LPCAT1: variants seen among roughly 807,000 people sequenced by gnomAD.
LPCAT1 encodes the protein lysophosphatidylcholine acyltransferase 1.
LPCAT1 carries 23 observed loss-of-function variants against 60.9 expected under a neutral mutation model. That is an observed-to-expected ratio of 0.38 (90% confidence interval 0.27 to 0.53). The LOEUF is 0.53. Among genes scored for constraint, LPCAT1 ranks in the 20% least tolerant of loss-of-function variants. The pLI is 0.82. For missense variants in LPCAT1, 622 were observed against 723.6 expected, an observed-to-expected ratio of 0.86 and a Z score of 1.61; for synonymous variants, 340 against 301.1, an observed-to-expected ratio of 1.13 and a Z score of -1.34.
chr5:1,515,891 C>T (rs540005467), intron 1 of LPCAT1, among the ~76,000 whole-genome samples: 2 of 152,252 alleles, frequency 1.3e-5, no homozygotes, highest in Admixed American at 1.3e-4. Flanking sequence ...CCCAGGACAT[C>T]CTGCTTCCCC....
chr5:1,479,593 C>T lies in LPCAT1; in HGVS notation c.816+28G>A, dbSNP rs540684788. The T allele has an allele frequency of 8.2e-5, 127 of 1,545,172 alleles. 2 individuals carry two copies. In the East Asian group the frequency reaches 2.7e-3, roughly 32 times the overall value. Reference sequence around the variant, plus strand: ...TGTCTGCATCAACCACTGTGAAGAGCGCTGTGTAACTCTGTATCCATACGA... The same window carrying T: ...TGTCTGCATCAACCACTGTGAAGAGTGCTGTGTAACTCTGTATCCATACGA... On this transcript the variant is annotated intron_variant, in intron 8 of 13. Transcript: ENST00000283415.
At chr5:1,517,075 G>C (rs1325155130) in intron 1 of LPCAT1, among the ~76,000 whole-genome samples, 1 of 152,206 alleles carries the variant, frequency 6.6e-6, no homozygotes, top group African/African-American at 2.4e-5. Context: ...CACAAGCCTA[G>C]CATCATGCTT....
chr5:1,463,935 G>A, intron 13 of LPCAT1, 100 bp from the exon 14 acceptor site: 3 of 1,223,258 alleles, frequency 2.5e-6, no homozygotes, highest in South Asian at 1.4e-5. Context: ...TCCACCTCAC[G>A]CCCTCCAGGG....
At chr5:1,493,807 G>A (rs1259633007) in intron 3 of LPCAT1, among the ~76,000 whole-genome samples, 1 of 152,236 alleles carries the variant, frequency 6.6e-6, no homozygotes, top group Non-Finnish European at 1.5e-5. Context: ...TGCTGACCCT[G>A]GAACCTGTGA....
chr5:1,523,151 C>A lies in LPCAT1; in HGVS notation c.135+559G>T, dbSNP rs1276989189. ...AGGGGACCCTACAGGGGACCCGCACCGCCCGCGCGCCCTGTCCCGGGCACC... is the reference window on the plus strand; with the variant it reads ...AGGGGACCCTACAGGGGACCCGCACAGCCCGCGCGCCCTGTCCCGGGCACC... On this transcript the variant is annotated intron_variant, in intron 1 of 13. Transcript: ENST00000283415. This position sits in a 1 kb window ranked among gnomAD's most constrained non-coding sequence, Gnocchi z 7.1. 2.0e-5 allele frequency among the ~76,000 whole-genome samples: 3 copies of A among 152,328 alleles called. No individual in the cohort carries two copies. Among genetic ancestry groups the A allele is most frequent in the Admixed American group, 1.3e-4 (2 of 15,306 alleles).
In LPCAT1 at chr5:1,523,517, GA is replaced by G. The variant is rs1246625154; in HGVS notation, c.135+192del. ...GTGCGGGCGGCGGGAAGCCGGCGCC[GA>G]GACCGAGGCATCGGGTGCGGGCGGC... On this transcript the variant is annotated intron_variant, in intron 1 of 13. Coordinates refer to ENST00000283415, the MANE Select transcript of LPCAT1 (RefSeq NM_024830.5). This position sits in a 1 kb window ranked among gnomAD's most constrained non-coding sequence, Gnocchi z 7.1. Among the ~76,000 whole-genome samples the G allele has an allele frequency of 6.6e-6, 1 of 151,032 alleles. No homozygotes were observed. Among genetic ancestry groups the G allele is most frequent in the African/African-American group, 2.4e-5 (1 of 41,256 alleles).
intron 1 of LPCAT1, among the ~76,000 whole-genome samples, chr5:1,503,949 A>C (rs1736104674): frequency 1.3e-5 from 2 of 152,160 alleles, no homozygotes; most frequent in African/African-American, 4.8e-5. Flanking sequence ...TTCTAAACCT[A>C]CGTTGCCAGA....
Position 1,517,277 on chromosome 5 carries a change from G to A in LPCAT1, c.135+6433C>T, listed in dbSNP as rs1170240041. On this transcript the variant is annotated intron_variant, in intron 1 of 13. Transcript: ENST00000283415. ...CTTTTGTCATGGGCCGCGTGGGGAT[G>A]AGGGCCCTGGAAACAGGAAGAGGAA... 5.9e-5 allele frequency among the ~76,000 whole-genome samples: 9 copies of A among 152,260 alleles called. No individual in the cohort carries two copies. The East Asian group carries it at 1.7e-3, about 29-fold the overall frequency.
At chr5:1,508,416 C>T (rs892877571) in intron 1 of LPCAT1, among the ~76,000 whole-genome samples, 1 of 152,146 alleles carries the variant, frequency 6.6e-6, no homozygotes, top group African/African-American at 2.4e-5. Context: ...ATGAGATCAT[C>T]TGGGGGCCCT....
At chr5:1,488,540 T>A in intron 4 of LPCAT1, 89 bp from the exon 5 acceptor site, 2 of 895,758 alleles carry the variant, frequency 2.2e-6, no homozygotes, top group Non-Finnish European at 3.5e-6. Flanking sequence ...CAATATATTT[T>A]CTTTTCTGCT....
chr5:1,494,878 G>A lies in LPCAT1; in HGVS notation c.315C>T (p.Thr105=). 1 of 1,612,718 alleles carries A rather than the reference G, an allele frequency of 6.2e-7. No individual in the cohort carries two copies. The highest frequency in any genetic ancestry group is 2.2e-5 in the East Asian group (1 of 44,868). ...VDFLLKAIMR[T]MWFAGGFHRV... ...GGTGGAAGCCGCCGGCGAACCACAT[G>A]GTGCGCATGATGGCCTTCAGCAGGA... The change falls in exon 3 of 14, where the codon ACC becomes ACT. Residue 105 remains threonine, a synonymous_variant. Transcript: ENST00000283415.
chr5:1,492,608 G>C (rs978169585), intron 3 of LPCAT1, among the ~76,000 whole-genome samples: 2 of 152,226 alleles, frequency 1.3e-5, no homozygotes, highest in Admixed American at 1.3e-4. Context: ...AACACGCAGG[G>C]CTCCACGAGG....
In LPCAT1 at chr5:1,489,773, C is replaced by T; in HGVS notation, c.579G>A (p.Arg193=). The change falls in exon 4 of 14, where the codon CGG becomes CGA. Residue 193 remains arginine, a synonymous_variant. Coordinates refer to ENST00000283415, the MANE Select transcript of LPCAT1 (RefSeq NM_024830.5). ...GTGGCCACTTTCCGTTGGACTGCGC[C>T]CGTCTCTTGATTTCTTCTACTGTTT... ...RRKTVEEIKR[R]AQSNGKWPQI... 6.2e-7 allele frequency: 1 copy of T among 1,613,976 alleles called. No individual in the cohort carries two copies. Among genetic ancestry groups the T allele is most frequent in the Non-Finnish European group, 8.5e-7 (1 of 1,179,824 alleles).
intron 11 of LPCAT1, among the ~76,000 whole-genome samples, chr5:1,471,782 G>C (rs1734677947): frequency 6.6e-6 from 1 of 151,588 alleles, no homozygotes; most frequent in South Asian, 2.1e-4. Flanking sequence ...GGAGGACTCT[G>C]GCCAGACAGC....
rs1327925802 is a variant in LPCAT1, at chr5:1,461,567, C to G, written c.*2084G>C. ...CCCACCTGCCCACGGGTCTGGCCCC[C>G]AGGCCACCAGGGGCCCGCTGCGTCC... On this transcript the variant is annotated 3_prime_UTR_variant, in exon 14 of 14. Coordinates refer to ENST00000283415, the MANE Select transcript of LPCAT1 (RefSeq NM_024830.5). 6.5e-6 allele frequency: 1 copy of G among 152,706 alleles called. No individual in the cohort carries two copies. The highest frequency in any genetic ancestry group is 1.9e-4 in the East Asian group (1 of 5,200). The allele number at this position is 152,706 out of a possible 1,614,324, so 9.5% of individuals were successfully genotyped here. A position where few individuals can be genotyped will look rare whatever the true frequency, so the allele number is the denominator to read the frequency against.
At position 1,521,240 on chromosome 5, in the gene LPCAT1, CAGAT is replaced by C. The variant is rs1302598012; in HGVS notation, c.135+2466_135+2469del. Reference sequence around the variant, plus strand: ...CCTCACTAAATCTGTAGTTAAATGACAGATGGGCTGGCTGGAGGAGGAGGTGTCC... The same window carrying C: ...CCTCACTAAATCTGTAGTTAAATGACGGGCTGGCTGGAGGAGGAGGTGTCC... On this transcript the variant is annotated intron_variant, in intron 1 of 13. Coordinates refer to ENST00000283415, the MANE Select transcript of LPCAT1 (RefSeq NM_024830.5). The surrounding 1 kb of genome is among the most constrained non-coding windows in gnomAD (Gnocchi z 4.3). The C allele has an allele frequency of 2.0e-4, 144 of 704,830 alleles. No homozygotes were observed. The African/African-American group carries it at 2.8e-3, about 13-fold the overall frequency. 43.7% of individuals were successfully genotyped at this position (704,830 alleles called of 1,614,324 possible). A position where few individuals can be genotyped will look rare whatever the true frequency, so the allele number is the denominator to read the frequency against.
intron 2 of LPCAT1, among the ~76,000 whole-genome samples, 189 bp downstream of exon 2, chr5:1,501,272 G>A (rs1380571646): frequency 6.6e-6 from 1 of 152,150 alleles, no homozygotes; most frequent in Admixed American, 6.5e-5. Flanking sequence ...CGGAGGCGTG[G>A]AAGACAGAGG....
rs991314594 is a variant in LPCAT1, at chr5:1,522,461, G to A, written c.135+1249C>T. On this transcript the variant is annotated intron_variant, in intron 1 of 13. Transcript: ENST00000283415. This position sits in a 1 kb window ranked among gnomAD's most constrained non-coding sequence, Gnocchi z 6.8. ...GCTCCCGACACACAGGGAGACGGGGGCCAGGGCCTGGGAGCCAGGCTGGGG... is the reference window on the plus strand; with the variant it reads ...GCTCCCGACACACAGGGAGACGGGGACCAGGGCCTGGGAGCCAGGCTGGGG... Among the ~76,000 whole-genome samples, 7 of 152,254 alleles carry A rather than the reference G, an allele frequency of 4.6e-5. No individual in the cohort carries two copies. The highest frequency in any genetic ancestry group is 3.3e-4 in the Admixed American group (5 of 15,312).
At chr5:1,505,967 C>G (rs1736175055) in intron 1 of LPCAT1, among the ~76,000 whole-genome samples, 1 of 152,262 alleles carries the variant, frequency 6.6e-6, no homozygotes. Flanking sequence ...GACCCTCAGC[C>G]CATGCACCCT....
Sources: gnomAD v4.1 joint callset for allele counts (sites outside exome capture counted in the v4.1 genomes callset) on GRCh38, gnomAD v4.1.1 for gene constraint, Gnocchi (gnomAD v3.1) non-coding constraint, MANE v1.5 for transcripts, NCBI Gene and HGNC (gene_info 2026-07-23, HGNC 2026-07-21) for gene names.